The following ATP13A4 variants were observed in gnomAD, a reference collection of about 807,000 sequenced individuals.
ATP13A4 encodes the protein ATPase 13A4.
In ATP13A4, 114 loss-of-function variants were observed where a neutral mutation model predicts 142.5. The ratio of observed to expected loss-of-function variants is 0.80; its 90% CI spans 0.69 to 0.93. The LOEUF is 0.93. Ranked by LOEUF, ATP13A4 falls within the 40% of genes least tolerant of loss-of-function variation. ATP13A4 has a pLI of 0.00. For synonymous variants in ATP13A4, 488 were observed against 514.8 expected, an observed-to-expected ratio of 0.95 and a Z score of 0.70; for missense variants, 1,392 against 1,454.0, an observed-to-expected ratio of 0.96 and a Z score of 0.69.
chr3:193,503,728 A>G (rs1353530283), intron 2 of ATP13A4, among the ~76,000 whole-genome samples: 1 of 152,136 alleles, frequency 6.6e-6, no homozygotes, highest in Non-Finnish European at 1.5e-5. Context: ...CTGCTTCCTT[A>G]GCCTGTAGTA....
chr3:193,532,091 C>T (rs189929582), intron 1 of ATP13A4, among the ~76,000 whole-genome samples: 229 of 152,094 alleles, frequency 1.5e-3, no homozygotes, highest in African/African-American at 5.1e-3. Context: ...GAGTCATCAC[C>T]CCAAATTTCT....
At chr3:193,567,939 C>T (rs995150957) in intron 2 of ATP13A4, among the ~76,000 whole-genome samples, 5 of 151,960 alleles carry the variant, frequency 3.3e-5, no homozygotes, top group Non-Finnish European at 7.4e-5. Flanking sequence ...CCTGAAGCAC[C>T]ACCACTTTCT....
intron 7 of ATP13A4, among the ~76,000 whole-genome samples, chr3:193,484,788 G>C (rs921285621): frequency 6.6e-6 from 1 of 152,148 alleles, no homozygotes; most frequent in Non-Finnish European, 1.5e-5. Context: ...AAAGAGATAT[G>C]GTTCTTAACA....
chr3:193,527,163 C>T (rs1428854579), intron 1 of ATP13A4, among the ~76,000 whole-genome samples: 1 of 152,134 alleles, frequency 6.6e-6, no homozygotes, highest in Non-Finnish European at 1.5e-5. Flanking sequence ...ATCCCTTTCC[C>T]CTGTGATGTG....
chr3:193,471,647 A>G (rs1399940034), intron 8 of ATP13A4, among the ~76,000 whole-genome samples: 1 of 150,914 alleles, frequency 6.6e-6, no homozygotes, highest in African/African-American at 2.4e-5. Flanking sequence ...AAATAACTGT[A>G]TAGCAAAATT....
At chr3:193,583,364 C>T (rs1024683427) in intron 1 of ATP13A4, among the ~76,000 whole-genome samples, 8 of 151,838 alleles carry the variant, frequency 5.3e-5, no homozygotes, top group South Asian at 2.1e-4. Context: ...ACCCAGGAGG[C>T]GGAGGTTGCA....
At chr3:193,414,461 C>G in intron 26 of ATP13A4, 118 bp downstream of exon 26, 1 of 1,211,944 alleles carries the variant, frequency 8.3e-7, no homozygotes, top group Non-Finnish European at 1.2e-6. Context: ...GCCCAAGGGA[C>G]TTTAAAAAGC....
chr3:193,404,216 T>C, intron 29 of ATP13A4: 1 of 938,050 alleles, frequency 1.1e-6, no homozygotes. Context: ...CTTACTTACT[T>C]CAAGGAAACC....
chr3:193,466,642 T>C (rs1266349296), intron 10 of ATP13A4, among the ~76,000 whole-genome samples: 1 of 152,254 alleles, frequency 6.6e-6, no homozygotes, highest in African/African-American at 2.4e-5. Flanking sequence ...ACCTGAGTTC[T>C]AGGTCCAGCT....
At chr3:193,576,237 G>A (rs1238798406) in intron 2 of ATP13A4, among the ~76,000 whole-genome samples, 1 of 143,072 alleles carries the variant, frequency 7.0e-6, no homozygotes, top group South Asian at 2.2e-4. Context: ...ATGGAATGTG[G>A]CTTGAATCAA....
chr3:193,559,566 T>C (rs1345576834), upstream of ATP13A4, among the ~76,000 whole-genome samples: 4 of 152,212 alleles, frequency 2.6e-5, no homozygotes, highest in Non-Finnish European at 5.9e-5. Context: ...CAAAGTCTAA[T>C]TGAATTAATT....
At chr3:193,405,176 C>T (rs528845814) in intron 29 of ATP13A4, among the ~76,000 whole-genome samples, 8 of 152,316 alleles carry the variant, frequency 5.3e-5, no homozygotes, top group Non-Finnish European at 1.2e-4. Context: ...AGCTTGTGCT[C>T]TTAACTGCAA....
intron 2 of ATP13A4, among the ~76,000 whole-genome samples, chr3:193,573,548 C>A (rs1724333981): frequency 6.6e-6 from 1 of 151,836 alleles, no homozygotes; most frequent in African/African-American, 2.4e-5. Context: ...CTGTGAACCT[C>A]CTTCCCTGCC....
intron 6 of ATP13A4, 46 bp from the exon 7 acceptor site, chr3:193,489,910 T>G (rs1719853834): frequency 6.3e-7 from 1 of 1,582,262 alleles, no homozygotes; most frequent in Non-Finnish European, 8.7e-7. Flanking sequence ...AGTTTTAGGC[T>G]TCACTCTGCT....
intron 25 of ATP13A4, among the ~76,000 whole-genome samples, chr3:193,415,707 C>T (rs1420623074): frequency 6.6e-6 from 1 of 152,194 alleles, no homozygotes; most frequent in Non-Finnish European, 1.5e-5. Flanking sequence ...AAGCAGTGCA[C>T]ATTGCTTGAA....
In ATP13A4 at chr3:193,404,407, G is replaced by A. The variant is rs1021185695; in HGVS notation, c.3379-1543C>T. Among the ~76,000 whole-genome samples, 9 of 152,146 alleles carry A rather than the reference G, an allele frequency of 5.9e-5. No individual in the cohort carries two copies. In the East Asian group the frequency reaches 1.5e-3, roughly 26 times the overall value. ...CAGAGAGGTGATCTGTCCTGTTACCGCACATTATAAATACAAGGCAGAACT... is the reference window on the plus strand; with the variant it reads ...CAGAGAGGTGATCTGTCCTGTTACCACACATTATAAATACAAGGCAGAACT... On this transcript the variant is annotated intron_variant, in intron 29 of 29. Transcript: ENST00000342695.
At chr3:193,545,973 TTGTGTGTGTGTGTG>T (rs3053200) in intron 1 of ATP13A4, among the ~76,000 whole-genome samples, 18,292 of 143,330 alleles carry the variant, frequency 0.13, 1,254 homozygotes, top group Non-Finnish European at 0.14. Flanking sequence ...AATGTTTAAA[TTGTGTGTGTGTGTG>T]TGTGTGTGTG....
chr3:193,456,919 A>G (rs566409995), intron 16 of ATP13A4, 81 bp downstream of exon 16: 119 of 1,520,184 alleles, frequency 7.8e-5, no homozygotes, highest in Non-Finnish European at 1.0e-4. Flanking sequence ...TAGGCGATTG[A>G]ATTAATAGAT....
At chr3:193,533,590 C>T (rs1414655071) in intron 1 of ATP13A4, among the ~76,000 whole-genome samples, 1 of 152,038 alleles carries the variant, frequency 6.6e-6, no homozygotes, top group African/African-American at 2.4e-5. Flanking sequence ...CCAAACACCA[C>T]AAAGAAAGCC....
Sources: gnomAD v4.1 joint callset for allele counts (sites outside exome capture counted in the v4.1 genomes callset) on GRCh38, gnomAD v4.1.1 for gene constraint, MANE v1.5 for transcripts, NCBI Gene and HGNC (gene_info 2026-07-23, HGNC 2026-07-21) for gene names.